Variants in SNX20 observed in about 807,000 individuals in gnomAD.
SNX20 encodes the protein sorting nexin-20.
SNX20 carries 21 observed loss-of-function variants against 24.5 expected under a neutral mutation model. That is an observed-to-expected ratio of 0.86 (90% CI 0.61 to 1.23). The LOEUF is 1.23. Among genes scored for constraint, SNX20 ranks in the 50% most tolerant of loss-of-function variants. The pLI is 0.00. For missense variants in SNX20, 433 were observed against 430.8 expected (o/e 1.00, Z -0.04); for synonymous variants, 206 against 192.8 (o/e 1.07, Z -0.57).
chr16:50,680,851 G>A (rs1424003007), intron 1 of SNX20, among the ~76,000 whole-genome samples: 1 of 152,198 alleles, frequency 6.6e-6, no homozygotes, highest in East Asian at 1.9e-4. Context: ...CATTGAACAG[G>A]CCTGGATTCT....
rs201673911 is a variant in SNX20 at position 50,673,597 on chromosome 16, G to C, written c.760C>G (p.Leu254Val). ...CCCTCCCGGGCCTGCAGGCGCTGCA[G>C]GGCCCTCTCTCCGGCCGCGAAGGCC... Reference protein sequence around the residue: ...AEAFAAGERALQRLQAREGHR... With the variant: ...AEAFAAGERAVQRLQAREGHR... The change falls in exon 4 of 4, where the codon CTG becomes GTG. Residue 254 changes from leucine (L) to valine (V), a missense_variant. Leu to Val is a conservative substitution (Grantham distance 32, BLOSUM62 1). Transcript: ENST00000330943. The surrounding 1 kb of genome is among the most constrained non-coding windows in gnomAD (Gnocchi z 4.1). 37 of 1,586,774 alleles carry C rather than the reference G, an allele frequency of 2.3e-5. No homozygotes were observed. In the East Asian group the frequency reaches 8.5e-4, roughly 37 times the overall value.
chr16:50,675,942 A>G (rs1190781200), intron 2 of SNX20, 21 bp from the exon 3 acceptor site: 23 of 1,591,648 alleles, frequency 1.4e-5, no homozygotes, highest in Non-Finnish European at 1.9e-5. Context: ...AACACCCTTA[A>G]GGATCTGCAC....
chr16:50,666,583 T>C (rs1962921089), exon 4 of SNX20: 1 of 152,224 alleles, frequency 6.6e-6, no homozygotes, highest in African/African-American at 2.4e-5. Context: ...TTGTATATTA[T>C]AGGGAAATGC....
At chr16:50,671,557 G>A (rs1179307390), downstream of SNX20, 1 of 152,092 alleles carries the variant, frequency 6.6e-6, no homozygotes, top group Non-Finnish European at 1.5e-5. Flanking sequence ...TTCTTTGTTA[G>A]TAAACATTTG....
At chr16:50,668,757 T>C (rs1962973515), downstream of SNX20, 3 of 1,168,044 alleles carry the variant, frequency 2.6e-6, no homozygotes, top group African/African-American at 3.2e-5. Flanking sequence ...TGGGGATGTG[T>C]TGGGAGCCAA....
At chr16:50,676,043 C>A (rs1043111584) in intron 2 of SNX20, 122 bp from the exon 3 acceptor site, 2 of 1,075,220 alleles carry the variant, frequency 1.9e-6, no homozygotes, top group Non-Finnish European at 2.5e-6. Flanking sequence ...TATTGAATAT[C>A]CCTCTCTCCC....
At chr16:50,669,244 A>G (rs150006220), downstream of SNX20, 2 of 695,242 alleles carry the variant, frequency 2.9e-6, no homozygotes, top group African/African-American at 1.8e-5. Flanking sequence ...CTTATAAAGA[A>G]AAGAGGGTTA....
chr16:50,680,675 G>T (rs1291608111), intron 1 of SNX20, among the ~76,000 whole-genome samples: 1 of 152,122 alleles, frequency 6.6e-6, no homozygotes, highest in African/African-American at 2.4e-5. Context: ...TGCCTCTCTT[G>T]GGGAAAGGGT....
At chr16:50,675,956 G>C (rs371791207) in intron 2 of SNX20, 35 bp from the exon 3 acceptor site, 9 of 1,563,278 alleles carry the variant, frequency 5.8e-6, no homozygotes, top group Non-Finnish European at 6.0e-6. Flanking sequence ...TCTGCACCCT[G>C]TCAGTGCACT....
chr16:50,676,873 T>C (rs550630276), intron 2 of SNX20, among the ~76,000 whole-genome samples: 1 of 152,382 alleles, frequency 6.6e-6, no homozygotes, highest in East Asian at 1.9e-4. Context: ...AGAAAAGATC[T>C]GTTCCAGGAG....
exon 4 of SNX20, chr16:50,666,382 G>A (rs1443679771): frequency 6.6e-6 from 1 of 152,344 alleles, no homozygotes; most frequent in Non-Finnish European, 1.5e-5. Flanking sequence ...AGTCAAAAAA[G>A]TGTCTATGAT....
At chr16:50,667,953 A>G (rs1596786273), downstream of SNX20, 5 of 1,489,952 alleles carry the variant, frequency 3.4e-6, no homozygotes, top group East Asian at 9.8e-5. Flanking sequence ...CCACTCAAGG[A>G]CATACTGCGG....
chr16:50,677,032 G>A (rs767368173), intron 2 of SNX20, among the ~76,000 whole-genome samples: 21 of 152,182 alleles, frequency 1.4e-4, no homozygotes, highest in Non-Finnish European at 2.5e-4. Flanking sequence ...TGCAGGGCAG[G>A]ACTGGTAGAT....
chr16:50,676,150 C>A (rs573409191), intron 2 of SNX20, among the ~76,000 whole-genome samples: 6 of 152,150 alleles, frequency 3.9e-5, no homozygotes, highest in African/African-American at 1.4e-4. Context: ...AATAGCCCAT[C>A]ACCCCCAAGT....
downstream of SNX20, chr16:50,668,253 T>G: frequency 7.0e-7 from 1 of 1,424,030 alleles, no homozygotes; most frequent in Non-Finnish European, 9.2e-7. Context: ...ACTTACCTCC[T>G]TTTGCAGGAC....
chr16:50,674,229 G>GTTTGTTTGTTTA (rs1555495577), intron 3 of SNX20, among the ~76,000 whole-genome samples, 155 bp from the exon 4 acceptor site: 7 of 131,126 alleles, frequency 5.3e-5, no homozygotes, highest in African/African-American at 2.2e-4. Context: ...TTGTTTGTTT[G>GTTTGTTTGTTTA]TTTATTTATT....
chr16:50,668,138 A>C, downstream of SNX20: 2 of 1,547,402 alleles, frequency 1.3e-6, no homozygotes, highest in Non-Finnish European at 1.7e-6. Context: ...CGAGTTGGTG[A>C]CCAGGAAACC....
intron 2 of SNX20, 26 bp from the exon 3 acceptor site, chr16:50,675,947 C>G: frequency 6.3e-7 from 1 of 1,577,712 alleles, no homozygotes; most frequent in East Asian, 2.3e-5. Context: ...CCTTAAGGAT[C>G]TGCACCCTGT....
chr16:50,679,544 G>A (rs1341826634), intron 1 of SNX20, among the ~76,000 whole-genome samples: 1 of 152,248 alleles, frequency 6.6e-6, no homozygotes, highest in Non-Finnish European at 1.5e-5. Context: ...CTGGCCCAGG[G>A]CTGCACGTTC....
Sources: allele counts gnomAD v4.1 joint callset (sites outside exome capture counted in the v4.1 genomes callset), GRCh38; gene constraint gnomAD v4.1.1; non-coding constraint Gnocchi (gnomAD v3.1); transcripts MANE v1.5; gene names NCBI Gene and HGNC (gene_info 2026-07-23, HGNC 2026-07-21).